Variants in GPR158 observed in about 807,000 individuals in gnomAD.
The protein encoded by GPR158 is G protein-coupled receptor 158, also known as metabotropic glycine receptor.
In GPR158, 30 loss-of-function variants were observed where a neutral mutation model predicts 78.2. The ratio of observed to expected loss-of-function variants is 0.38; its 90% CI spans 0.29 to 0.52. The LOEUF is 0.52. Among genes scored for constraint, GPR158 ranks in the 20% least tolerant of loss-of-function variants. The pLI, the probability that GPR158 is intolerant of heterozygous loss-of-function variation, is 0.83. For synonymous variants in GPR158, 581 were observed against 591.1 expected, an observed-to-expected ratio of 0.98 and a Z score of 0.25; for missense variants, 1,463 against 1,523.5, an observed-to-expected ratio of 0.96 and a Z score of 0.66.
rs1483467686 is a variant in GPR158 at position 25,468,533 on chromosome 10, AT to A, written c.1404+1815del. ...GTATGCGTAATATATACAAGTAAGT[AT>A]CGCTTTCCTTCTTCCTTCTCCTCTA... On this transcript the variant is annotated intron_variant, in intron 5 of 10. Coordinates refer to ENST00000376351, the MANE Select transcript of GPR158 (RefSeq NM_020752.3). Among the ~76,000 whole-genome samples the A allele has an allele frequency of 1.2e-4, 19 of 152,332 alleles. 1 individual carries two copies. The highest frequency in any genetic ancestry group is 9.8e-4 in the Admixed American group (15 of 15,294).
At chr10:25,342,065 T>TA (rs1181877607) in intron 2 of GPR158, among the ~76,000 whole-genome samples, 2 of 151,996 alleles carry the variant, frequency 1.3e-5, no homozygotes, top group African/African-American at 4.8e-5. Flanking sequence ...CATATCTTCT[T>TA]AAAATCTAAC....
intron 5 of GPR158, among the ~76,000 whole-genome samples, chr10:25,497,242 C>T (rs973344410): frequency 6.6e-6 from 1 of 152,134 alleles, no homozygotes; most frequent in African/African-American, 2.4e-5. Flanking sequence ...CCAGGAGATG[C>T]TCTTTGAATA....
At chr10:25,463,204 A>G (rs1425542301) in intron 4 of GPR158, among the ~76,000 whole-genome samples, 2 of 152,214 alleles carry the variant, frequency 1.3e-5, no homozygotes, top group African/African-American at 4.8e-5. Context: ...TTTTAGCCAT[A>G]AAGTATTTTT....
chr10:25,192,398 A>G (rs1263449222), intron 1 of GPR158, among the ~76,000 whole-genome samples: 1 of 152,176 alleles, frequency 6.6e-6, no homozygotes, highest in Non-Finnish European at 1.5e-5. Flanking sequence ...AGAACGGACT[A>G]ATACAGTGTC....
rs865987286 is a variant in GPR158 at position 25,176,043 on chromosome 10, C to T, written c.623C>T (p.Ser208Phe). Residue 208 changes from serine to phenylalanine, a missense_variant, in exon 1 of 11, where the codon TCC (serine) becomes TTC (phenylalanine). Physicochemically the swap from Ser to Phe is radical, Grantham distance 155. Transcript: ENST00000376351. This position sits in a 1 kb window ranked among gnomAD's most constrained non-coding sequence, Gnocchi z 6.3. The part of the protein sequence containing the change: ...ESRILLQDLS[S>F]SAPHLANATL... ...CGCATCCTGCTCCAAGACCTGTCCT[C>T]CTCCGCACCCCACCTGGCCAACGCC... 3 of 1,609,372 alleles carry T rather than the reference C, an allele frequency of 1.9e-6. No homozygotes were observed. The Admixed American group carries it at 5.1e-5, about 27-fold the overall frequency.
chr10:25,277,123 A>C (rs540301469), intron 2 of GPR158, among the ~76,000 whole-genome samples: 1 of 151,890 alleles, frequency 6.6e-6, no homozygotes, highest in African/African-American at 2.4e-5. Flanking sequence ...CCAATTTAAA[A>C]ATTTTTAAAA....
intron 4 of GPR158, among the ~76,000 whole-genome samples, chr10:25,423,383 T>C (rs1046704351): frequency 2.3e-5 from 2 of 86,214 alleles, no homozygotes; most frequent in African/African-American, 7.5e-5. Flanking sequence ...GTAAATCTAC[T>C]TTTAGTTCTT....
At chr10:25,416,805 G>C (rs1834667642) in intron 4 of GPR158, among the ~76,000 whole-genome samples, 1 of 152,102 alleles carries the variant, frequency 6.6e-6, no homozygotes, top group African/African-American at 2.4e-5. Context: ...GTTTATGCAT[G>C]TATATTTAGC....
At chr10:25,334,198 A>G (rs550965471) in intron 2 of GPR158, among the ~76,000 whole-genome samples, 1 of 152,274 alleles carries the variant, frequency 6.6e-6, no homozygotes, top group Admixed American at 6.5e-5. Flanking sequence ...AAGTTAAAGT[A>G]GATGTATTTT....
chr10:25,387,845 A>G (rs1308889172), intron 2 of GPR158, among the ~76,000 whole-genome samples: 1 of 152,092 alleles, frequency 6.6e-6, no homozygotes, highest in East Asian at 1.9e-4. Context: ...AGTTTAAGGA[A>G]GATTGTTGTT....
At chr10:25,505,758 G>A (rs538660238) in intron 5 of GPR158, among the ~76,000 whole-genome samples, 1 of 152,044 alleles carries the variant, frequency 6.6e-6, no homozygotes, top group Admixed American at 6.5e-5. Context: ...ACTACCCCAC[G>A]CCTTCATGCT....
chr10:25,282,956 C>T (rs903818066), intron 2 of GPR158, among the ~76,000 whole-genome samples: 2 of 151,970 alleles, frequency 1.3e-5, no homozygotes, highest in African/African-American at 4.8e-5. Flanking sequence ...TGAGAGGTAT[C>T]AGTCTCTAGT....
At chr10:25,544,227 A>G (rs570864889) in intron 5 of GPR158, among the ~76,000 whole-genome samples, 40 of 152,288 alleles carry the variant, frequency 2.6e-4, no homozygotes, top group African/African-American at 7.0e-4. Flanking sequence ...AACAAATTCA[A>G]TGCAACGTCT....
At chr10:25,414,954 A>T (rs901623533) in intron 4 of GPR158, among the ~76,000 whole-genome samples, 10 of 152,154 alleles carry the variant, frequency 6.6e-5, no homozygotes, top group African/African-American at 2.2e-4. Context: ...CTTTGTGAGA[A>T]TTGCTTAGCC....
At chr10:25,379,370 C>G (rs1290252402) in intron 2 of GPR158, among the ~76,000 whole-genome samples, 1 of 152,094 alleles carries the variant, frequency 6.6e-6, no homozygotes, top group South Asian at 2.1e-4. Flanking sequence ...AGACATATCA[C>G]CTTAACCCAA....
chr10:25,508,039 C>T (rs1044413489), intron 5 of GPR158, among the ~76,000 whole-genome samples: 3 of 152,104 alleles, frequency 2.0e-5, no homozygotes, highest in Non-Finnish European at 4.4e-5. Flanking sequence ...GAAATTTCCA[C>T]CTGAATTCCC....
chr10:25,564,417 T>G (rs1414173291), intron 6 of GPR158, among the ~76,000 whole-genome samples: 1 of 152,212 alleles, frequency 6.6e-6, no homozygotes, highest in Non-Finnish European at 1.5e-5. Context: ...TTTTGTTTAG[T>G]CGATTGTTTG....
At chr10:25,477,754 C>T (rs1342808796) in intron 5 of GPR158, among the ~76,000 whole-genome samples, 4 of 152,056 alleles carry the variant, frequency 2.6e-5, no homozygotes, top group African/African-American at 4.8e-5. Flanking sequence ...TGGGGATAGC[C>T]GTTTTATGTT....
intron 5 of GPR158, among the ~76,000 whole-genome samples, chr10:25,468,465 T>G (rs185259570): frequency 1.3e-3 from 194 of 152,320 alleles, no homozygotes; most frequent in African/African-American, 4.3e-3. Context: ...TGAGGAAGGT[T>G]AAATGCTTAA....
Sources: allele counts gnomAD v4.1 joint callset (sites outside exome capture counted in the v4.1 genomes callset), GRCh38; gene constraint gnomAD v4.1.1; non-coding constraint Gnocchi (gnomAD v3.1); transcripts MANE v1.5; gene names NCBI Gene and HGNC (gene_info 2026-07-23, HGNC 2026-07-21).